HMCN1: variants seen among roughly 807,000 people sequenced by gnomAD.
The protein encoded by HMCN1 is hemicentin-1.
HMCN1 carries 321 observed loss-of-function variants against 625.9 expected under a neutral mutation model. The observed-to-expected ratio is 0.51, with a 90% CI of 0.47 to 0.56. The LOEUF (loss-of-function observed/expected upper bound fraction) is 0.56. HMCN1 is among the 20% of genes least tolerant of loss of function. The pLI is 0.00. For synonymous variants in HMCN1, 2,425 were observed against 2,417.6 expected, an observed-to-expected ratio of 1.00 and a Z score of -0.09; for missense variants, 6,588 against 6,887.3, an observed-to-expected ratio of 0.96 and a Z score of 1.54.
intron 5 of HMCN1, among the ~76,000 whole-genome samples, chr1:185,911,060 A>T (rs1299536145): frequency 6.6e-6 from 1 of 152,130 alleles, no homozygotes; most frequent in African/African-American, 2.4e-5. Context: ...TCTTTTAATT[A>T]TTCCTATGAC....
At chr1:185,801,460 C>A (rs931770724) in intron 1 of HMCN1, among the ~76,000 whole-genome samples, 1 of 152,190 alleles carries the variant, frequency 6.6e-6, no homozygotes, top group African/African-American at 2.4e-5. Context: ...CTGCAACATG[C>A]TAGATACTCA....
chr1:186,026,136 C>T (rs1655041806), intron 36 of HMCN1, among the ~76,000 whole-genome samples: 1 of 152,182 alleles, frequency 6.6e-6, no homozygotes, highest in African/African-American at 2.4e-5. Context: ...CCAAACCTGA[C>T]TCTGTCCTCT....
rs963469628 is a variant in HMCN1 at position 185,765,119 on chromosome 1, C to T, written c.268+30072C>T. Among the ~76,000 whole-genome samples, 28 of 152,132 alleles carry T rather than the reference C, an allele frequency of 1.8e-4. No homozygotes were observed. In the East Asian group the frequency reaches 3.5e-3, roughly 19 times the overall value. On this transcript the variant is annotated intron_variant, in intron 1 of 106. Coordinates refer to ENST00000271588, the MANE Select transcript of HMCN1 (RefSeq NM_031935.3). ...ATGACAATCTGGACTAATCAGATTC[C>T]GTTTTGAGAATTTAAATTGGGAAAG...
Position 186,165,122 on chromosome 1 carries a change from A to T in HMCN1, c.15268A>T (p.Asn5090Tyr), listed in dbSNP as rs778973757. Residue 5090 changes from asparagine to tyrosine, a missense_variant, in exon 98 of 107, where the codon AAT (asparagine) becomes TAT (tyrosine). Coordinates refer to ENST00000271588, the MANE Select transcript of HMCN1 (RefSeq NM_031935.3). ...CCTCTCTGTGGTAGGAGATCGCAGT[A>T]ATCAGTGCCCCTCCGGGTTTACCTT... ...HASISKGDRS[N>Y]QCPSGFTLDS... 1.2e-6 allele frequency: 2 copies of T among 1,614,108 alleles called. No homozygotes were observed. The highest frequency in any genetic ancestry group is 2.2e-5 in the South Asian group (2 of 91,056).
intron 36 of HMCN1, among the ~76,000 whole-genome samples, chr1:186,024,040 C>A (rs1558152617): frequency 6.6e-6 from 1 of 152,146 alleles, no homozygotes; most frequent in Non-Finnish European, 1.5e-5. Flanking sequence ...TAAAAAGATT[C>A]AAATCATCAG....
intron 11 of HMCN1, among the ~76,000 whole-genome samples, chr1:185,954,498 G>A (rs372417477): frequency 3.3e-5 from 5 of 152,050 alleles, no homozygotes; most frequent in East Asian, 3.9e-4. Context: ...GAGATCAATA[G>A]GCAGCTGTGA....
At chr1:185,739,277 A>G (rs566794092) in intron 1 of HMCN1, among the ~76,000 whole-genome samples, 1 of 152,296 alleles carries the variant, frequency 6.6e-6, no homozygotes, top group South Asian at 2.1e-4. Flanking sequence ...GTTGATGGGC[A>G]TCTAGGTTGA....
intron 1 of HMCN1, among the ~76,000 whole-genome samples, chr1:185,736,788 T>G (rs1653606526): frequency 6.6e-6 from 1 of 152,162 alleles, no homozygotes; most frequent in Non-Finnish European, 1.5e-5. Flanking sequence ...TGATTTAAAG[T>G]TGGGGAAACT....
At position 186,106,955 on chromosome 1, in the gene HMCN1, G is replaced by A. The variant is rs749191590; in HGVS notation, c.10842G>A (p.Val3614=). 7.5e-6 allele frequency: 12 copies of A among 1,606,074 alleles called. No individual in the cohort carries two copies. The highest frequency in any genetic ancestry group is 8.5e-6 in the Non-Finnish European group (10 of 1,172,790). The change falls in exon 70 of 107, where the codon GTG becomes GTA. Residue 3614 remains valine (V), a synonymous_variant. Transcript: ENST00000271588. ...GAGATGATGATAAGGAATATCTAGT[G>A]AGAGTGCATGGTAAATTTGACAAAA... ...PAGDDDKEYL[V]RVHVPPNIAG...
chr1:185,770,407 G>GT (rs1306925860), intron 1 of HMCN1, among the ~76,000 whole-genome samples: 1 of 152,166 alleles, frequency 6.6e-6, no homozygotes, highest in Non-Finnish European at 1.5e-5. Flanking sequence ...CTGTATAAAT[G>GT]TTTTTTAAAA....
At chr1:185,993,345 G>A in intron 23 of HMCN1, 36 bp downstream of exon 23, 1 of 1,609,902 alleles carries the variant, frequency 6.2e-7, no homozygotes. Flanking sequence ...ACAACCCTGT[G>A]GACTGGCCAC....
Position 186,088,273 on chromosome 1 carries a change from A to G in HMCN1, c.9574A>G (p.Ile3192Val), listed in dbSNP as rs1659637687. 1 of 1,612,752 alleles carries G rather than the reference A, an allele frequency of 6.2e-7. No individual in the cohort carries two copies. Among genetic ancestry groups the G allele is most frequent in the African/African-American group, 1.3e-5 (1 of 74,980 alleles). The stretch of plus-strand genomic sequence containing the variant: ...AGCATGGTTAAAGAACCACAAGCGC[A>G]TAGGTAAGGCAACCATGCATTTTTG... The part of the protein sequence containing the change: ...TIAWLKNHKR[I>V]ENSDSLEVRI... The change falls in exon 62 of 107, where the codon ATA becomes GTA. Residue 3192 changes from isoleucine (I) to valine (V), a missense_variant. Coordinates refer to ENST00000271588, the MANE Select transcript of HMCN1 (RefSeq NM_031935.3).
chr1:185,993,329 CA>C lies in HMCN1; in HGVS notation c.3505+21del. On this transcript the variant is annotated intron_variant, in intron 23 of 106. Transcript: ENST00000271588. The stretch of plus-strand genomic sequence containing the variant: ...TCCATGGTGAGTCTTGAAATGAGAA[CA>C]TATGACAACCCTGTGGACTGGCCAC... 6.2e-7 allele frequency: 1 copy of C among 1,611,580 alleles called. No individual in the cohort carries two copies. Among genetic ancestry groups the C allele is most frequent in the Non-Finnish European group, 8.5e-7 (1 of 1,178,218 alleles).
intron 15 of HMCN1, among the ~76,000 whole-genome samples, chr1:185,975,548 T>C (rs1365831824): frequency 1.3e-5 from 2 of 151,970 alleles, no homozygotes; most frequent in African/African-American, 2.4e-5. Flanking sequence ...TCCTCCAAAA[T>C]TGGGGATTAC....
chr1:186,088,173 A>G lies in HMCN1; in HGVS notation c.9474A>G (p.Arg3158=), dbSNP rs886045677. 7 of 1,611,426 alleles carry G rather than the reference A, an allele frequency of 4.3e-6. No individual in the cohort carries two copies. Among genetic ancestry groups the G allele is most frequent in the Non-Finnish European group, 5.1e-6 (6 of 1,178,560 alleles). ...CACCCAGTATTGAAGGACCTGAAAG[A>G]GAAGTGATTGTGGAGACGATCAGCA... ...YVPPSIEGPE[R]EVIVETISNP... is the part of the protein sequence containing the mutation. The change falls in exon 62 of 107, where the codon AGA becomes AGG. Residue 3158 remains arginine (R), a synonymous_variant. Coordinates refer to ENST00000271588, the MANE Select transcript of HMCN1 (RefSeq NM_031935.3).
chr1:186,131,751 C>A (rs1190075996), intron 85 of HMCN1, among the ~76,000 whole-genome samples: 1 of 152,074 alleles, frequency 6.6e-6, no homozygotes, highest in Non-Finnish European at 1.5e-5. Flanking sequence ...TTATTTAGTG[C>A]AGTCCTACAT....
intron 89 of HMCN1, among the ~76,000 whole-genome samples, chr1:186,138,955 T>C (rs1211088135): frequency 6.6e-6 from 1 of 152,234 alleles, no homozygotes; most frequent in Non-Finnish European, 1.5e-5. Flanking sequence ...GACACTGTTC[T>C]AGTTGCTAGA....
At position 185,965,891 on chromosome 1, in the gene HMCN1, C is replaced by T. The variant is rs372130937; in HGVS notation, c.2188C>T (p.Pro730Ser). The T allele has an allele frequency of 6.3e-7, 1 of 1,594,648 alleles. No individual in the cohort carries two copies. Among genetic ancestry groups the T allele is most frequent in the Non-Finnish European group, 8.6e-7 (1 of 1,162,484 alleles). The stretch of plus-strand genomic sequence containing the variant: ...GGAATGCAAAACCTCTGGTATTCCT[C>T]CACCTCAAGTTAAATGGTTCAAAGG... ...VMECKTSGIP[P>S]PQVKWFKGDL... The change falls in exon 14 of 107, where the codon CCA becomes TCA. Residue 730 changes from proline (P) to serine (S), a missense_variant. Around this residue, in one of 3 missense-constraint regions of HMCN1, gnomAD observed 4,628 missense variants for 4,853.1 expected, o/e 0.95. Coordinates refer to ENST00000271588, the MANE Select transcript of HMCN1 (RefSeq NM_031935.3).
At chr1:185,824,255 C>T (rs1660375614) in intron 1 of HMCN1, among the ~76,000 whole-genome samples, 1 of 152,146 alleles carries the variant, frequency 6.6e-6, no homozygotes, top group South Asian at 2.1e-4. Context: ...GATTGGAGCT[C>T]AAGCTGTCTC....
Sources: gnomAD v4.1 joint callset for allele counts (sites outside exome capture counted in the v4.1 genomes callset) on GRCh38, gnomAD v4.1.1 for gene constraint, gnomAD v4.1.1 regional missense constraint, MANE v1.5 for transcripts, NCBI Gene and HGNC (gene_info 2026-07-23, HGNC 2026-07-21) for gene names.